The following TSPAN5 variants were observed in gnomAD, a reference collection of about 807,000 sequenced individuals.
TSPAN5 encodes tetraspanin 5.
In TSPAN5, 10 loss-of-function variants were observed where a neutral mutation model predicts 37.1. The ratio of observed to expected loss-of-function variants is 0.27; its 90% CI spans 0.17 to 0.46. TSPAN5 has a LOEUF of 0.46. Ranked by LOEUF, TSPAN5 falls within the 20% of genes least tolerant of loss-of-function variation. The pLI is 1.00. For missense variants in TSPAN5, 195 were observed against 326.6 expected, an observed-to-expected ratio of 0.60 and a Z score of 3.11; for synonymous variants, 110 against 118.9, an observed-to-expected ratio of 0.93 and a Z score of 0.48.
chr4:98,650,862 C>G (rs1330260642), intron 1 of TSPAN5, among the ~76,000 whole-genome samples: 1 of 152,150 alleles, frequency 6.6e-6, no homozygotes, highest in African/African-American at 2.4e-5. Flanking sequence ...TAAAAGAGCA[C>G]AGGAGCCAAT....
intron 5 of TSPAN5, among the ~76,000 whole-genome samples, chr4:98,476,733 G>A (rs1042977021): frequency 6.6e-6 from 1 of 152,160 alleles, no homozygotes; most frequent in Non-Finnish European, 1.5e-5. Context: ...CACACAGGAG[G>A]CTCAAGATTC....
intron 1 of TSPAN5, among the ~76,000 whole-genome samples, chr4:98,518,094 CTTTTTT>C (rs535091902): frequency 1.5e-5 from 2 of 132,708 alleles, no homozygotes; most frequent in Non-Finnish European, 3.3e-5. Context: ...AACATCTTGA[CTTTTTT>C]TTTTTTTTTT....
At chr4:98,507,785 G>T (rs1753511255) in intron 1 of TSPAN5, 57 bp from the exon 2 acceptor site, 2 of 1,304,608 alleles carry the variant, frequency 1.5e-6, no homozygotes, top group Admixed American at 2.0e-5. Context: ...ATATAAAGAA[G>T]AAACTTTTCA....
intron 2 of TSPAN5, among the ~76,000 whole-genome samples, chr4:98,487,303 G>A (rs893543412): frequency 6.6e-6 from 1 of 150,576 alleles, no homozygotes. Flanking sequence ...AGGAGAAGAC[G>A]TGGTGTTACC....
chr4:98,630,907 G>A (rs1015538546), intron 1 of TSPAN5, among the ~76,000 whole-genome samples: 1 of 152,132 alleles, frequency 6.6e-6, no homozygotes, highest in Non-Finnish European at 1.5e-5. Context: ...CAAACGAAGG[G>A]AATCAACTTA....
chr4:98,646,003 G>T (rs1398257174), intron 1 of TSPAN5, among the ~76,000 whole-genome samples: 4 of 152,036 alleles, frequency 2.6e-5, no homozygotes, highest in Non-Finnish European at 5.9e-5. Context: ...TACTAATTTA[G>T]CACGCCCTGG....
intron 7 of TSPAN5, among the ~76,000 whole-genome samples, chr4:98,473,918 C>T (rs1321783696): frequency 6.6e-6 from 1 of 152,142 alleles, no homozygotes; most frequent in Non-Finnish European, 1.5e-5. Flanking sequence ...AGTCACCATG[C>T]CTGGCTGCCC....
chr4:98,582,470 G>A (rs1445824628), intron 1 of TSPAN5, among the ~76,000 whole-genome samples: 1 of 152,212 alleles, frequency 6.6e-6, no homozygotes, highest in Non-Finnish European at 1.5e-5. Context: ...AAATGACATA[G>A]AAAATCACGC....
chr4:98,498,588 G>A (rs1168442092), intron 2 of TSPAN5, among the ~76,000 whole-genome samples: 2 of 152,140 alleles, frequency 1.3e-5, no homozygotes, highest in African/African-American at 2.4e-5. Flanking sequence ...GGGGTCAGAG[G>A]AGGACTGAGA....
intron 1 of TSPAN5, among the ~76,000 whole-genome samples, chr4:98,534,961 C>A (rs891240116): frequency 7.9e-5 from 12 of 152,170 alleles, no homozygotes; most frequent in African/African-American, 2.9e-4. Context: ...ATAGAGCACA[C>A]TGATGGGTCT....
chr4:98,636,076 G>A (rs1756851980), intron 1 of TSPAN5, among the ~76,000 whole-genome samples: 1 of 152,172 alleles, frequency 6.6e-6, no homozygotes, highest in Non-Finnish European at 1.5e-5. Flanking sequence ...TATTGTAAAG[G>A]TAGACACCAT....
chr4:98,478,885 G>A (rs979447544), intron 4 of TSPAN5, 75 bp from the exon 5 acceptor site: 4 of 1,561,246 alleles, frequency 2.6e-6, no homozygotes, highest in East Asian at 4.5e-5. Flanking sequence ...CCCGCCGAAC[G>A]ACACCAGCTT....
rs527759911 is a variant in TSPAN5, at chr4:98,641,760, T to C, written c.81+16386A>G. Among the ~76,000 whole-genome samples the C allele has an allele frequency of 1.6e-3, 251 of 152,148 alleles. 1 individual carries two copies. Among genetic ancestry groups the C allele is most frequent in the African/African-American group, 5.9e-3 (243 of 41,480 alleles). The stretch of plus-strand genomic sequence containing the variant: ...TCTCAGCTCAAACTCCACCCATGGG[T>C]AAAATCCACCAGGACTCCCACTGTC... On this transcript the variant is annotated intron_variant, in intron 1 of 7. Transcript: ENST00000305798.
chr4:98,577,455 C>T (rs529855439), intron 1 of TSPAN5, among the ~76,000 whole-genome samples: 1 of 152,300 alleles, frequency 6.6e-6, no homozygotes, highest in African/African-American at 2.4e-5. Flanking sequence ...ACCTTTCCCT[C>T]ACAGCATCGC....
At chr4:98,605,905 C>T (rs1579024439) in intron 1 of TSPAN5, among the ~76,000 whole-genome samples, 1 of 152,204 alleles carries the variant, frequency 6.6e-6, no homozygotes, top group South Asian at 2.1e-4. Context: ...CGGAGTTGTC[C>T]CCACACAACC....
At chr4:98,605,361 G>T (rs781730698) in intron 1 of TSPAN5, among the ~76,000 whole-genome samples, 1 of 152,074 alleles carries the variant, frequency 6.6e-6, no homozygotes, top group African/African-American at 2.4e-5. Flanking sequence ...GCATAATATC[G>T]CATCACCCTT....
At chr4:98,473,440 T>C (rs1353266798) in intron 7 of TSPAN5, among the ~76,000 whole-genome samples, 1 of 151,850 alleles carries the variant, frequency 6.6e-6, no homozygotes, top group African/African-American at 2.4e-5. Context: ...TCTTTTCATG[T>C]GCTTATTAGC....
intron 2 of TSPAN5, among the ~76,000 whole-genome samples, chr4:98,504,669 CA>C (rs1753434797): frequency 6.6e-6 from 1 of 152,174 alleles, no homozygotes; most frequent in Non-Finnish European, 1.5e-5. Flanking sequence ...ATTTAATCTT[CA>C]CAACAATTCT....
chr4:98,549,068 G>C (rs1278075999), intron 1 of TSPAN5, among the ~76,000 whole-genome samples: 1 of 152,118 alleles, frequency 6.6e-6, no homozygotes, highest in African/African-American at 2.4e-5. Context: ...TTAGATACCG[G>C]AAATGGGATT....
Sources: gnomAD v4.1 joint callset for allele counts (sites outside exome capture counted in the v4.1 genomes callset) on GRCh38, gnomAD v4.1.1 for gene constraint, MANE v1.5 for transcripts, NCBI Gene and HGNC (gene_info 2026-07-23, HGNC 2026-07-21) for gene names.